The following NRG3 variants were observed in gnomAD, a reference collection of about 807,000 sequenced individuals.
NRG3 encodes pro-neuregulin-3, membrane-bound isoform.
NRG3 carries 31 observed loss-of-function variants against 66.9 expected under a neutral mutation model. The observed-to-expected ratio is 0.46, with a 90% confidence interval of 0.35 to 0.63. NRG3 has a LOEUF of 0.63. Among genes scored for constraint, NRG3 ranks in the 20% least tolerant of loss-of-function variants. The pLI is 0.00. For synonymous variants in NRG3, 393 were observed against 359.4 expected, an observed-to-expected ratio of 1.09 and a Z score of -1.06; for missense variants, 910 against 878.9, an observed-to-expected ratio of 1.04 and a Z score of -0.45.
rs112769515 is a variant in NRG3 at position 81,947,356 on chromosome 10, T to C, written c.823+71193T>C. On this transcript the variant is annotated intron_variant, in intron 1 of 8. Coordinates refer to ENST00000372141, the MANE Select transcript of NRG3 (RefSeq NM_001010848.4). ...CAAATAAGATTGCATTCTAAGGTAC[T>C]AGGGTCAAGACTTCAACTTATCTTT... Among the ~76,000 whole-genome samples the C allele has an allele frequency of 4.7e-3, 715 of 152,284 alleles. 4 individuals are homozygous for C. The highest frequency in any genetic ancestry group is 0.016 in the African/African-American group (670 of 41,570).
chr10:82,338,646 T>C (rs1326502557), intron 1 of NRG3, among the ~76,000 whole-genome samples: 1 of 152,198 alleles, frequency 6.6e-6, no homozygotes, highest in Non-Finnish European at 1.5e-5. Context: ...AGATATACAG[T>C]TGATGCTCAA....
At chr10:81,937,712 T>C (rs1244769980) in intron 1 of NRG3, among the ~76,000 whole-genome samples, 2 of 152,132 alleles carry the variant, frequency 1.3e-5, no homozygotes, top group Non-Finnish European at 2.9e-5. Context: ...CCTTTCACTG[T>C]GTTGACTGCT....
At chr10:82,643,380 T>A (rs915981284) in intron 2 of NRG3, among the ~76,000 whole-genome samples, 1 of 152,108 alleles carries the variant, frequency 6.6e-6, no homozygotes, top group African/African-American at 2.4e-5. Context: ...GACTTGCTCC[T>A]CCCTGCCTTC....
chr10:82,717,632 T>C (rs1020944748), intron 2 of NRG3, among the ~76,000 whole-genome samples: 5 of 151,998 alleles, frequency 3.3e-5, no homozygotes, highest in African/African-American at 1.2e-4. Context: ...CTTGATCTCC[T>C]GACCTCGTGA....
intron 1 of NRG3, among the ~76,000 whole-genome samples, chr10:82,238,740 A>G (rs1283289683): frequency 2.0e-5 from 3 of 151,562 alleles, no homozygotes; most frequent in African/African-American, 7.3e-5. Context: ...TAAACATTCT[A>G]TTTTTCAGCT....
At chr10:81,903,806 A>G (rs956540431) in intron 1 of NRG3, among the ~76,000 whole-genome samples, 14 of 152,124 alleles carry the variant, frequency 9.2e-5, no homozygotes, top group African/African-American at 3.4e-4. Flanking sequence ...CCATGTTAAA[A>G]CCTAAAGATG....
intron 5 of NRG3, among the ~76,000 whole-genome samples, chr10:82,956,556 A>G (rs1850071634): frequency 6.6e-6 from 1 of 151,984 alleles, no homozygotes; most frequent in South Asian, 2.1e-4. Flanking sequence ...AGGATTTAGG[A>G]AACGCAGTCC....
At chr10:82,360,893 T>A (rs368999879) in intron 2 of NRG3, among the ~76,000 whole-genome samples, 2 of 152,180 alleles carry the variant, frequency 1.3e-5, no homozygotes, top group African/African-American at 2.4e-5. Context: ...AGGAGATGTA[T>A]CTTCTCATCA....
chr10:82,448,730 T>A (rs986646055), intron 2 of NRG3, among the ~76,000 whole-genome samples: 1 of 152,218 alleles, frequency 6.6e-6, no homozygotes, highest in African/African-American at 2.4e-5. Flanking sequence ...TTTGTTCAAC[T>A]TTTATTGCAC....
chr10:82,955,873 C>G (rs1241988791), intron 5 of NRG3, among the ~76,000 whole-genome samples: 1 of 151,898 alleles, frequency 6.6e-6, no homozygotes, highest in Non-Finnish European at 1.5e-5. Flanking sequence ...TGTTTACCTC[C>G]AATGATGCAT....
At chr10:82,924,086 C>CA (rs3075657) in intron 4 of NRG3, among the ~76,000 whole-genome samples, 1,219 of 67,634 alleles carry the variant, frequency 0.018, 13 homozygotes, top group Middle Eastern at 0.029. Flanking sequence ...GAGACTGTCT[C>CA]AAAAAAAAAA....
intron 2 of NRG3, among the ~76,000 whole-genome samples, chr10:82,534,564 C>T (rs1022718780): frequency 1.3e-5 from 2 of 151,900 alleles, no homozygotes; most frequent in African/African-American, 4.8e-5. Context: ...TGGGCCCGGC[C>T]AGAAAAAATT....
chr10:82,354,436 G>T lies in NRG3; in HGVS notation c.824-4303G>T, dbSNP rs116908469. On this transcript the variant is annotated intron_variant, in intron 1 of 8. Coordinates refer to ENST00000372141, the MANE Select transcript of NRG3 (RefSeq NM_001010848.4). ...ACAGAGTTTCGCTCTTGTTACCCAGGCTAGAGTGCAATGGCGCAATCTCAG... is the reference window on the plus strand; with the variant it reads ...ACAGAGTTTCGCTCTTGTTACCCAGTCTAGAGTGCAATGGCGCAATCTCAG... Among the ~76,000 whole-genome samples, 997 of 151,036 alleles carry T rather than the reference G, an allele frequency of 6.6e-3. 9 individuals are homozygous for T. Among genetic ancestry groups the T allele is most frequent in the Non-Finnish European group, 0.011 (732 of 67,884 alleles).
At chr10:82,916,574 G>A (rs576226910) in intron 4 of NRG3, among the ~76,000 whole-genome samples, 103 of 152,202 alleles carry the variant, frequency 6.8e-4, no homozygotes, top group Admixed American at 1.4e-3. Flanking sequence ...TCAGAGATGT[G>A]AGTAAATAGA....
At chr10:82,652,409 G>A (rs1016113497) in intron 2 of NRG3, among the ~76,000 whole-genome samples, 2 of 152,244 alleles carry the variant, frequency 1.3e-5, no homozygotes, top group African/African-American at 4.8e-5. Flanking sequence ...CAGCAGGAAG[G>A]GGAGCTGAAA....
At chr10:82,014,252 C>T (rs531746278) in intron 1 of NRG3, among the ~76,000 whole-genome samples, 5 of 152,162 alleles carry the variant, frequency 3.3e-5, no homozygotes, top group Admixed American at 3.3e-4. Context: ...TATACTCACA[C>T]TGTTGCATGT....
intron 1 of NRG3, among the ~76,000 whole-genome samples, chr10:82,105,354 G>A (rs1271622196): frequency 6.6e-6 from 1 of 151,830 alleles, no homozygotes; most frequent in Non-Finnish European, 1.5e-5. Context: ...AACTGAATAG[G>A]GTTTGTTCGC....
At chr10:82,053,872 G>T (rs1459380314) in intron 1 of NRG3, among the ~76,000 whole-genome samples, 1 of 152,170 alleles carries the variant, frequency 6.6e-6, no homozygotes, top group Non-Finnish European at 1.5e-5. Context: ...TTTGAATGAG[G>T]TGAGAATGTA....
rs562874367 is a variant in NRG3, at chr10:82,080,900, C to T, written c.823+204737C>T. Among the ~76,000 whole-genome samples the T allele has an allele frequency of 3.9e-4, 59 of 152,300 alleles. 1 individual carries two copies. The South Asian group carries it at 0.011, about 29-fold the overall frequency. On this transcript the variant is annotated intron_variant, in intron 1 of 8. Transcript: ENST00000372141. ...ATTAAACAATAAGTCCCTCTTCTTTCTTCCTTCCCTCCCCAACATCCCCAG... is the reference window on the plus strand; with the variant it reads ...ATTAAACAATAAGTCCCTCTTCTTTTTTCCTTCCCTCCCCAACATCCCCAG...
Sources: gnomAD v4.1 joint callset for allele counts (sites outside exome capture counted in the v4.1 genomes callset) on GRCh38, gnomAD v4.1.1 for gene constraint, MANE v1.5 for transcripts, NCBI Gene and HGNC (gene_info 2026-07-23, HGNC 2026-07-21) for gene names.